FAM131C: variants seen among roughly 807,000 people sequenced by gnomAD.
The protein encoded by FAM131C is protein FAM131C.
FAM131C carries 14 observed loss-of-function variants against 29.8 expected under a neutral mutation model. That is an observed-to-expected ratio of 0.47 (90% confidence interval 0.31 to 0.73). The LOEUF is 0.73. Ranked by LOEUF, FAM131C falls within the 30% of genes least tolerant of loss-of-function variation. The pLI, the probability that FAM131C is intolerant of heterozygous loss-of-function variation, is 0.05. For synonymous variants in FAM131C, 86 were observed against 157.8 expected (o/e 0.54, Z 3.41); for missense variants, 252 against 383.8 (o/e 0.66, Z 2.87).
In FAM131C at chr1:16,059,870, T is replaced by C. The variant is rs1204020996; in HGVS notation, c.450A>G (p.Ala150=). Residue 150 remains alanine, a splice_region_variant and synonymous_variant, in exon 5 of 7, where the codon GCA becomes GCG. Transcript: ENST00000375662. The part of the protein sequence containing the change: ...PDELREARFA[A]GVAEQFAITE... ...TGGCCAGTCCCCCTCCTCGCTGACC[T>C]GCAGCAAAGCGGGCCTCACGCAGCT... 5 of 1,205,226 alleles carry C rather than the reference T, an allele frequency of 4.1e-6. No homozygotes were observed. Among genetic ancestry groups the C allele is most frequent in the Non-Finnish European group, 5.3e-6 (5 of 949,752 alleles). The allele number at this position is 1,205,226 out of a possible 1,614,324, so 74.7% of individuals were successfully genotyped here.
chr1:16,062,468 G>T (rs759029703), intron 3 of FAM131C, 31 bp downstream of exon 3: 1 of 1,580,306 alleles, frequency 6.3e-7, no homozygotes, highest in Non-Finnish European at 8.6e-7. Context: ...AGCTGGGGCC[G>T]GCTAGAATGG....
intron 1 of FAM131C, among the ~76,000 whole-genome samples, chr1:16,066,965 C>T (rs2023690561): frequency 6.6e-6 from 1 of 152,194 alleles, no homozygotes; most frequent in African/African-American, 2.4e-5. Flanking sequence ...TGGCCATCCC[C>T]TGAAGCTTTT....
At chr1:16,072,347 A>C (rs1242691553) in intron 1 of FAM131C, among the ~76,000 whole-genome samples, 1 of 152,084 alleles carries the variant, frequency 6.6e-6, no homozygotes, top group Non-Finnish European at 1.5e-5. Flanking sequence ...AGGATGGGGG[A>C]AGGTCATTGT....
intron 1 of FAM131C, among the ~76,000 whole-genome samples, chr1:16,070,936 G>A (rs543973324): frequency 6.6e-6 from 1 of 152,386 alleles, no homozygotes; most frequent in East Asian, 1.9e-4. Context: ...CCGATGCTGG[G>A]ATGGGGTGAT....
At chr1:16,066,406 G>C (rs79775834) in intron 1 of FAM131C, among the ~76,000 whole-genome samples, 1 of 152,164 alleles carries the variant, frequency 6.6e-6, no homozygotes, top group Non-Finnish European at 1.5e-5. Context: ...GGACTGAGCC[G>C]TGCGCCTGCA....
At position 16,073,431 on chromosome 1, in the gene FAM131C, G is replaced by A; in HGVS notation, c.12C>T (p.Cys4=). 8.3e-7 allele frequency: 1 copy of A among 1,211,488 alleles called. No homozygotes were observed. The highest frequency in any genetic ancestry group is 1.0e-6 in the Non-Finnish European group (1 of 974,478). The allele number at this position is 1,211,488 out of a possible 1,614,324, so 75.0% of individuals were successfully genotyped here. Residue 4 remains cysteine (C), a synonymous_variant, in exon 1 of 7, where the codon TGC becomes TGT. Coordinates refer to ENST00000375662, the MANE Select transcript of FAM131C (RefSeq NM_182623.3). MGS[C]VSRDLFTSAH... is the part of the protein sequence containing the mutation. ...GCCGGGCCCCCTCACCTCGCGACACGCAGGAGCCCATCACGGGGCCGCGGG... is the reference window on the plus strand; with the variant it reads ...GCCGGGCCCCCTCACCTCGCGACACACAGGAGCCCATCACGGGGCCGCGGG...
intron 1 of FAM131C, among the ~76,000 whole-genome samples, chr1:16,064,370 T>C (rs1406099351): frequency 2.0e-5 from 3 of 152,076 alleles, no homozygotes; most frequent in African/African-American, 7.2e-5. Context: ...GCCCACATCA[T>C]CGCCTTTCCC....
intron 4 of FAM131C, among the ~76,000 whole-genome samples, chr1:16,060,477 C>T (rs2023578230): frequency 1.5e-5 from 2 of 129,058 alleles, no homozygotes; most frequent in South Asian, 5.2e-4. Context: ...CTCCATGATC[C>T]ATTAAACACA....
chr1:16,062,386 C>CG, intron 3 of FAM131C, 113 bp downstream of exon 3: 1 of 1,190,652 alleles, frequency 8.4e-7, no homozygotes, highest in Non-Finnish European at 1.1e-6. Context: ...TCAGGCCCCC[C>CG]CCCCCCCCGC....
chr1:16,071,039 G>A (rs183972647), intron 1 of FAM131C, among the ~76,000 whole-genome samples: 25 of 152,364 alleles, frequency 1.6e-4, no homozygotes, highest in African/African-American at 5.5e-4. Flanking sequence ...ATCAGCCTGA[G>A]GCCTGCAATC....
intron 6 of FAM131C, 113 bp downstream of exon 6, chr1:16,059,381 G>A: frequency 6.9e-7 from 1 of 1,458,376 alleles, no homozygotes; most frequent in South Asian, 1.3e-5. Flanking sequence ...AAGAAACTTA[G>A]GCTGAGAAAA....
At chr1:16,069,429 T>C (rs2023724325) in intron 1 of FAM131C, among the ~76,000 whole-genome samples, 1 of 152,184 alleles carries the variant, frequency 6.6e-6, no homozygotes, top group South Asian at 2.1e-4. Flanking sequence ...CACCCAGACA[T>C]GATCAGATGT....
chr1:16,073,020 T>C (rs2023770287), intron 1 of FAM131C, among the ~76,000 whole-genome samples: 1 of 149,422 alleles, frequency 6.7e-6, no homozygotes, highest in African/African-American at 2.5e-5. Context: ...TGGTAAGACC[T>C]GTGTCTTGGG....
In FAM131C at chr1:16,072,275, C is replaced by T. The variant is rs1046028268; in HGVS notation, c.22+1146G>A. ...ATTCCACCCCGATACCTCCCAGAGA[C>T]ATCCTGAGCCACTTACCTGAATGCC... On this transcript the variant is annotated intron_variant, in intron 1 of 6. Coordinates refer to ENST00000375662, the MANE Select transcript of FAM131C (RefSeq NM_182623.3). 2.6e-5 allele frequency among the ~76,000 whole-genome samples: 4 copies of T among 152,224 alleles called. No individual in the cohort carries two copies. In the East Asian group the frequency reaches 5.8e-4, roughly 22 times the overall value.
At chr1:16,060,787 C>G (rs940501507) in intron 4 of FAM131C, among the ~76,000 whole-genome samples, 1 of 152,146 alleles carries the variant, frequency 6.6e-6, no homozygotes, top group African/African-American at 2.4e-5. Flanking sequence ...TGGGGAGAAC[C>G]AGGTGGAGGG....
chr1:16,072,655 C>G (rs934959693), intron 1 of FAM131C, among the ~76,000 whole-genome samples: 7 of 152,080 alleles, frequency 4.6e-5, no homozygotes, highest in African/African-American at 1.7e-4. Context: ...CTGCCCATCC[C>G]CCAATCTCTG....
At chr1:16,064,925 CCTGGCCT>C (rs2023660652) in intron 1 of FAM131C, among the ~76,000 whole-genome samples, 1 of 152,350 alleles carries the variant, frequency 6.6e-6, no homozygotes, top group South Asian at 2.1e-4. Context: ...TCGCTCTTAT[CCTGGCCT>C]CTGGCCTCTC....
chr1:16,073,318 T>G, intron 1 of FAM131C, 103 bp downstream of exon 1: 1 of 602,522 alleles, frequency 1.7e-6, no homozygotes, highest in Non-Finnish European at 2.4e-6. Flanking sequence ...GGCGGGGCCG[T>G]GAAGGGCGGG....
chr1:16,072,651 A>AT (rs1174886617), intron 1 of FAM131C, among the ~76,000 whole-genome samples: 1 of 152,108 alleles, frequency 6.6e-6, no homozygotes, highest in Non-Finnish European at 1.5e-5. Context: ...CAAACTGCCC[A>AT]TCCCCCAATC....
Sources: gnomAD v4.1 joint callset for allele counts (sites outside exome capture counted in the v4.1 genomes callset) on GRCh38, gnomAD v4.1.1 for gene constraint, MANE v1.5 for transcripts, NCBI Gene and HGNC (gene_info 2026-07-23, HGNC 2026-07-21) for gene names.